TNFAIP2: variants seen among roughly 807,000 people sequenced by gnomAD.
The protein encoded by TNFAIP2 is TNF alpha induced protein 2, also known as tumor necrosis factor alpha-induced protein 2.
In TNFAIP2, 47 loss-of-function variants were observed where a neutral mutation model predicts 63.5. The observed-to-expected ratio is 0.74, with a 90% CI of 0.59 to 0.94. The LOEUF is 0.94. Ranked by LOEUF, TNFAIP2 falls within the 40% of genes least tolerant of loss-of-function variation. The pLI is 0.00. For synonymous variants in TNFAIP2, 405 were observed against 390.2 expected (o/e 1.04, Z -0.45); for missense variants, 787 against 850.2 (o/e 0.93, Z 0.92).
Position 103,135,703 on chromosome 14 carries a change from C to T in TNFAIP2, c.*343C>T. The T allele has an allele frequency of 4.8e-6, 6 of 1,249,548 alleles. No individual in the cohort carries two copies. The highest frequency in any genetic ancestry group is 6.1e-6 in the Non-Finnish European group (6 of 978,904). The allele number at this position is 1,249,548 out of a possible 1,614,324, so 77.4% of individuals were successfully genotyped here. On this transcript the variant is annotated 3_prime_UTR_variant, in exon 12 of 12. Transcript: ENST00000560869. This position sits in a 1 kb window ranked among gnomAD's most constrained non-coding sequence, Gnocchi z 7.6. ...GATCCCCGGACACCTCTGTCCAGAG[C>T]CCCTCCACAGTCGGCCTCATGACTG... is the stretch of plus-strand genomic sequence containing the variant.
At chr14:103,134,646 A>T (rs955516524) in intron 11 of TNFAIP2, among the ~76,000 whole-genome samples, 12 of 138,256 alleles carry the variant, frequency 8.7e-5, no homozygotes, top group Non-Finnish European at 3.1e-5. Flanking sequence ...CCCTCCACCC[A>T]TCTAGCTCTC....
chr14:103,129,612 G>A (rs561303176), intron 3 of TNFAIP2, 128 bp from the exon 4 acceptor site: 7 of 729,022 alleles, frequency 9.6e-6, no homozygotes, highest in South Asian at 6.9e-5. Flanking sequence ...GGGACCGGGT[G>A]GGGGTGCGGG....
Position 103,127,421 on chromosome 14 carries a change from C to G in TNFAIP2, c.652C>G (p.Leu218Val). ...AGAEVPESVF[L>V]HLGRTMKEDL... ...CGCCGAGGTCCCCGAGAGCGTCTTT[C>G]TGCACTTGGGCCGCACCATGAAGGA... is the stretch of plus-strand genomic sequence containing the variant. Residue 218 changes from leucine to valine, a missense_variant, in exon 3 of 12, where the codon CTG becomes GTG. Coordinates refer to ENST00000560869, the MANE Select transcript of TNFAIP2 (RefSeq NM_006291.4). This position sits in a 1 kb window ranked among gnomAD's most constrained non-coding sequence, Gnocchi z 5.1. 6.3e-7 allele frequency: 1 copy of G among 1,578,520 alleles called. No homozygotes were observed. Among genetic ancestry groups the G allele is most frequent in the Non-Finnish European group, 8.5e-7 (1 of 1,170,716 alleles).
Position 103,135,227 on chromosome 14 carries a change from A to G in TNFAIP2, c.1832A>G (p.His611Arg). 6.2e-7 allele frequency: 1 copy of G among 1,613,868 alleles called. No individual in the cohort carries two copies. Among genetic ancestry groups the G allele is most frequent in the Non-Finnish European group, 8.5e-7 (1 of 1,179,998 alleles). ...ATCYPDFSKGHLSAILAIKGN... is the reference protein window; with the variant it reads ...ATCYPDFSKGRLSAILAIKGN... ...GATGCTCTCTTTGCCAGCAAAGGCC[A>G]CCTGAGCGCTATCCTGGCCATCAAG... is the stretch of plus-strand genomic sequence containing the variant. Residue 611 changes from histidine (H) to arginine (R), a missense_variant, in exon 12 of 12, where the codon CAC becomes CGC. Physicochemically the swap from His to Arg is conservative, Grantham distance 29. Coordinates refer to ENST00000560869, the MANE Select transcript of TNFAIP2 (RefSeq NM_006291.4). This position sits in a 1 kb window ranked among gnomAD's most constrained non-coding sequence, Gnocchi z 7.6.
At chr14:103,132,340 G>T (rs1253478537) in intron 8 of TNFAIP2, among the ~76,000 whole-genome samples, 1 of 152,210 alleles carries the variant, frequency 6.6e-6, no homozygotes, top group Non-Finnish European at 1.5e-5. Flanking sequence ...TCTTCCCGGT[G>T]TCAGGGACTA....
chr14:103,135,322 C>T lies in TNFAIP2; in HGVS notation c.1927C>T (p.Pro643Ser). The T allele has an allele frequency of 1.2e-6, 2 of 1,613,056 alleles. No homozygotes were observed. ...ILDVSMGAQE[P>S]SRPLFSLIKV... ...GGACGTCAGCATGGGGGCGCAGGAG[C>T]CCTCCCGGCCCCTATTTTCCCTTAT... The change falls in exon 12 of 12, where the codon CCC becomes TCC. Residue 643 changes from proline to serine, a missense_variant. Pro to Ser is a moderately conservative substitution (Grantham distance 74). Around this residue, in one of 3 missense-constraint regions of TNFAIP2, gnomAD observed 523 missense variants for 604.1 expected, o/e 0.87. Coordinates refer to ENST00000560869, the MANE Select transcript of TNFAIP2 (RefSeq NM_006291.4). This position sits in a 1 kb window ranked among gnomAD's most constrained non-coding sequence, Gnocchi z 7.6.
At chr14:103,126,921 G>A in intron 2 of TNFAIP2, 84 bp from the exon 3 acceptor site, 4 of 1,382,988 alleles carry the variant, frequency 2.9e-6, no homozygotes, top group Non-Finnish European at 3.7e-6. Flanking sequence ...CGCGTCTAGG[G>A]GAGGACGGTC....
In TNFAIP2 at chr14:103,129,862, T is replaced by A. The variant is rs554126987; in HGVS notation, c.975+8T>A. 6.2e-7 allele frequency: 1 copy of A among 1,612,412 alleles called. No individual in the cohort carries two copies. Among genetic ancestry groups the A allele is most frequent in the African/African-American group, 1.3e-5 (1 of 74,954 alleles). ...TTCCTGTCCAGTGAGGCGGTGAGTC[T>A]CCACCTGGGCCAGGGAGGGGCAGGG... On this transcript the variant is annotated splice_region_variant and intron_variant, in intron 4 of 11. Coordinates refer to ENST00000560869, the MANE Select transcript of TNFAIP2 (RefSeq NM_006291.4).
chr14:103,126,519 GGGA>G lies in TNFAIP2; in HGVS notation c.69_71del (p.Glu25del). 1 of 1,589,228 alleles carries G rather than the reference GGGA, an allele frequency of 6.3e-7. No homozygotes were observed. The highest frequency in any genetic ancestry group is 1.3e-5 in the African/African-American group (1 of 74,510). ...CTGGAGGCTGGGGCAGCCCCATATA[GGGA>G]GGAGGAAGAGGCGGCGAAGAAGAAG... is the stretch of plus-strand genomic sequence containing the variant. On this transcript the variant is annotated inframe_deletion, in exon 2 of 12. Coordinates refer to ENST00000560869, the MANE Select transcript of TNFAIP2 (RefSeq NM_006291.4).
intron 8 of TNFAIP2, among the ~76,000 whole-genome samples, chr14:103,132,164 AC>A (rs2087990746): frequency 6.6e-6 from 1 of 150,838 alleles, no homozygotes. Flanking sequence ...CCTCCTATCC[AC>A]CCCCATCCCC....
intron 11 of TNFAIP2, among the ~76,000 whole-genome samples, chr14:103,134,690 C>T (rs1032310978): frequency 1.3e-5 from 2 of 152,032 alleles, no homozygotes; most frequent in African/African-American, 4.8e-5. Context: ...ATCCATCTAC[C>T]TATGCCACCA....
upstream of TNFAIP2, chr14:103,122,533 A>T (rs1891149827): frequency 5.1e-6 from 2 of 391,468 alleles, no homozygotes; most frequent in African/African-American, 4.2e-5. Context: ...GAAGGAAGTG[A>T]ATCTCCAGTG....
Position 103,126,454 on chromosome 14 carries a change from C to G in TNFAIP2, c.-4C>G, listed in dbSNP as rs1392577238. ...CCACATCAGAGGCAGAGTCAGAGGCCTCCATGTCGGAGGCCTCCTCTGAGG... is the reference window on the plus strand; with the variant it reads ...CCACATCAGAGGCAGAGTCAGAGGCGTCCATGTCGGAGGCCTCCTCTGAGG... On this transcript the variant is annotated 5_prime_UTR_variant, in exon 2 of 12. Coordinates refer to ENST00000560869, the MANE Select transcript of TNFAIP2 (RefSeq NM_006291.4). 1.3e-6 allele frequency: 2 copies of G among 1,578,586 alleles called. No homozygotes were observed. The highest frequency in any genetic ancestry group is 3.8e-5 in the Admixed American group (2 of 52,564).
intron 3 of TNFAIP2, 76 bp from the exon 4 acceptor site, chr14:103,129,664 G>T (rs2087929522): frequency 2.1e-6 from 3 of 1,401,380 alleles, no homozygotes; most frequent in Non-Finnish European, 3.0e-6. Context: ...GACCAAGGCT[G>T]AGGGCCTGGG....
rs190276178 is a variant in TNFAIP2, at chr14:103,135,783, G to A, written c.*423G>A. ...CTTCAGCTCTCTGGAGACAGGGGCC[G>A]AGCCTCACCCATCTGCCCTCTGCAG... On this transcript the variant is annotated 3_prime_UTR_variant, in exon 12 of 12. Coordinates refer to ENST00000560869, the MANE Select transcript of TNFAIP2 (RefSeq NM_006291.4). The surrounding 1 kb of genome is among the most constrained non-coding windows in gnomAD (Gnocchi z 7.6). 298 of 1,292,748 alleles carry A rather than the reference G, an allele frequency of 2.3e-4. No homozygotes were observed. The highest frequency in any genetic ancestry group is 3.2e-4 in the East Asian group (6 of 18,506). 80.1% of individuals were successfully genotyped at this position (1,292,748 alleles called of 1,614,324 possible). A position where few individuals can be genotyped will look rare whatever the true frequency, so the allele number is the denominator to read the frequency against.
chr14:103,129,680 G>C lies in TNFAIP2; in HGVS notation c.861-60G>C, dbSNP rs921655578. 4.0e-6 allele frequency: 6 copies of C among 1,515,122 alleles called. No individual in the cohort carries two copies. The Admixed American group carries it at 6.7e-5, about 17-fold the overall frequency. 93.9% of individuals were successfully genotyped at this position (1,515,122 alleles called of 1,614,324 possible). A position where few individuals can be genotyped will look rare whatever the true frequency, so the allele number is the denominator to read the frequency against. ...ACCAAGGCTGAGGGCCTGGGCTCTA[G>C]CTTGAGTGGTGGTGCTGATTTGGTA... On this transcript the variant is annotated intron_variant, in intron 3 of 11. Transcript: ENST00000560869.
In TNFAIP2 at chr14:103,130,355, T is replaced by G. The variant is rs1235245013; in HGVS notation, c.1139T>G (p.Leu380Arg). 9.6e-6 allele frequency: 15 copies of G among 1,569,246 alleles called. No homozygotes were observed. In the Admixed American group the frequency reaches 2.6e-4, roughly 28 times the overall value. Residue 380 changes from leucine (L) to arginine (R), a missense_variant, in exon 6 of 12, where the codon CTG becomes CGG. By Grantham distance (102) the Leu-to-Arg change is moderately radical. Transcript: ENST00000560869. Reference protein sequence around the residue: ...QAQAKAESITLDLGSQIKRVL... With the variant: ...QAQAKAESITRDLGSQIKRVL... ...CAGGCCAAGGCCGAGAGCATCACGC[T>G]GGACTTGGGCTCACAGATAAAGCGG...
chr14:103,135,522 G>A lies in TNFAIP2; in HGVS notation c.*162G>A. ...GCGGAGGTGCAGGCCCTGTCAGCTG[G>A]AACTGGACAGACCTTGGTTTGTTTA... On this transcript the variant is annotated 3_prime_UTR_variant, in exon 12 of 12. Transcript: ENST00000560869. This position sits in a 1 kb window ranked among gnomAD's most constrained non-coding sequence, Gnocchi z 7.6. The A allele has an allele frequency of 6.8e-7, 1 of 1,477,190 alleles. No homozygotes were observed. Among genetic ancestry groups the A allele is most frequent in the Non-Finnish European group, 8.9e-7 (1 of 1,122,254 alleles). 91.5% of individuals were successfully genotyped at this position (1,477,190 alleles called of 1,614,324 possible). A position where few individuals can be genotyped will look rare whatever the true frequency, so the allele number is the denominator to read the frequency against.
rs2087985700 is a variant in TNFAIP2, at chr14:103,131,989, GCCGC to G, written c.1422+229_1422+232del. 1.8e-4 allele frequency among the ~76,000 whole-genome samples: 1 copy of G among 5,676 alleles called. No homozygotes were observed. The highest frequency in any genetic ancestry group is 2.1e-3 in the Admixed American group (1 of 468). The allele number at this position is 5,676 out of a possible 152,430, so 3.7% of individuals were successfully genotyped here. A position where few individuals can be genotyped will look rare whatever the true frequency, so the allele number is the denominator to read the frequency against. On this transcript the variant is annotated intron_variant, in intron 8 of 11. Transcript: ENST00000560869. The surrounding 1 kb of genome is among the most constrained non-coding windows in gnomAD (Gnocchi z 4.0). Reference sequence around the variant, plus strand: ...TGTCCTGGGGTTTCACCTGAGAGGGGCCGCCTGGGGCTGGGAGGGGCCGCCTGGG... The same window carrying G: ...TGTCCTGGGGTTTCACCTGAGAGGGGCTGGGGCTGGGAGGGGCCGCCTGGG...
Sources: allele counts gnomAD v4.1 joint callset (sites outside exome capture counted in the v4.1 genomes callset), GRCh38; gene constraint gnomAD v4.1.1; regional missense constraint gnomAD v4.1.1; non-coding constraint Gnocchi (gnomAD v3.1); transcripts MANE v1.5; gene names NCBI Gene and HGNC (gene_info 2026-07-23, HGNC 2026-07-21).